Variants in PPP1R14C observed in about 807,000 individuals in gnomAD.
PPP1R14C encodes the protein protein phosphatase 1 regulatory subunit 14C.
A neutral mutation model predicts 20.4 loss-of-function variants in PPP1R14C; 16 were observed. The ratio of observed to expected loss-of-function variants is 0.78; its 90% confidence interval spans 0.53 to 1.19. PPP1R14C has a LOEUF of 1.19. PPP1R14C is among the 50% of genes most tolerant of loss of function. The pLI is 0.00. For synonymous variants in PPP1R14C, 91 were observed against 91.0 expected (o/e 1.00, Z 0.00); for missense variants, 211 against 220.1 (o/e 0.96, Z 0.26).
intron 3 of PPP1R14C, among the ~76,000 whole-genome samples, chr6:150,239,795 G>GTAATC (rs1265815729): frequency 1.3e-5 from 2 of 152,244 alleles, no homozygotes; most frequent in Admixed American, 6.5e-5. Context: ...TTACACGCCT[G>GTAATC]TAATCCCAGC....
chr6:150,154,981 C>A (rs1777290529), intron 1 of PPP1R14C, among the ~76,000 whole-genome samples: 1 of 152,070 alleles, frequency 6.6e-6, no homozygotes, highest in Non-Finnish European at 1.5e-5. Context: ...ATAATATTGG[C>A]TTTGGGGGGT....
At chr6:150,171,830 C>T (rs537893362) in intron 1 of PPP1R14C, among the ~76,000 whole-genome samples, 40 of 152,006 alleles carry the variant, frequency 2.6e-4, no homozygotes, top group African/African-American at 8.2e-4. Flanking sequence ...TTTTTTGAGA[C>T]GGAGTCTTGC....
At chr6:150,162,725 C>G (rs1777383588) in intron 1 of PPP1R14C, among the ~76,000 whole-genome samples, 1 of 152,152 alleles carries the variant, frequency 6.6e-6, no homozygotes, top group Admixed American at 6.5e-5. Flanking sequence ...CTTTTAGGTG[C>G]TAGGGACACA....
intron 1 of PPP1R14C, among the ~76,000 whole-genome samples, chr6:150,187,625 C>G (rs1562264451): frequency 6.6e-6 from 1 of 152,140 alleles, no homozygotes; most frequent in African/African-American, 2.4e-5. Flanking sequence ...AGGACATGAT[C>G]TCTTTCTTTT....
intron 1 of PPP1R14C, among the ~76,000 whole-genome samples, chr6:150,186,683 A>T (rs957853849): frequency 2.6e-5 from 4 of 152,218 alleles, no homozygotes; most frequent in African/African-American, 9.6e-5. Context: ...AGGTGGGGTC[A>T]GGGCCTGAGG....
chr6:150,244,427 A>G (rs960890046), intron 3 of PPP1R14C, among the ~76,000 whole-genome samples: 2 of 152,070 alleles, frequency 1.3e-5, no homozygotes, highest in South Asian at 2.1e-4. Context: ...CCTCTAGCAA[A>G]CCTCATTTGT....
rs977933922 is a variant in PPP1R14C at position 150,248,874 on chromosome 6, T to C, written c.*54T>C. 8.3e-6 allele frequency: 10 copies of C among 1,204,878 alleles called. No individual in the cohort carries two copies. The African/African-American group carries it at 1.4e-4, about 16-fold the overall frequency. 74.6% of individuals were successfully genotyped at this position (1,204,878 alleles called of 1,614,324 possible). ...GACGAAGAAAGAGTCCTGGGATTTG[T>C]ACTTCATGAAGACTTTTGTGAAAGA... On this transcript the variant is annotated 3_prime_UTR_variant, in exon 4 of 4. Coordinates refer to ENST00000361131, the MANE Select transcript of PPP1R14C (RefSeq NM_030949.3).
At chr6:150,153,663 A>G (rs192312954) in intron 1 of PPP1R14C, among the ~76,000 whole-genome samples, 1 of 146,850 alleles carries the variant, frequency 6.8e-6, no homozygotes, top group African/African-American at 2.4e-5. Context: ...ATACATTCTC[A>G]CTAGGTTTTT....
At chr6:150,192,529 G>A (rs1777757711) in intron 1 of PPP1R14C, among the ~76,000 whole-genome samples, 2 of 152,128 alleles carry the variant, frequency 1.3e-5, no homozygotes, top group Admixed American at 6.5e-5. Flanking sequence ...CTCCTACTGT[G>A]TGGCCTGGTC....
At chr6:150,210,645 A>G (rs1023663178) in intron 1 of PPP1R14C, among the ~76,000 whole-genome samples, 2 of 152,244 alleles carry the variant, frequency 1.3e-5, no homozygotes, top group African/African-American at 2.4e-5. Flanking sequence ...ATCCTACACA[A>G]TATTTTAAGA....
At chr6:150,196,142 CTG>C in intron 1 of PPP1R14C, 1 of 984,262 alleles carries the variant, frequency 1.0e-6, no homozygotes, top group Non-Finnish European at 1.2e-6. Context: ...TTGCAATACA[CTG>C]TTGTTAAGCC....
chr6:150,145,827 AAG>A (rs1777174312), intron 1 of PPP1R14C, among the ~76,000 whole-genome samples: 1 of 152,242 alleles, frequency 6.6e-6, no homozygotes, highest in African/African-American at 2.4e-5. Flanking sequence ...AAACCTGCCA[AAG>A]GCTTGAGTTA....
intron 1 of PPP1R14C, among the ~76,000 whole-genome samples, chr6:150,175,931 A>G (rs756999414): frequency 6.6e-6 from 1 of 152,214 alleles, no homozygotes; most frequent in African/African-American, 2.4e-5. Context: ...CAGGCCCTGA[A>G]TATCTTGTAC....
intron 3 of PPP1R14C, among the ~76,000 whole-genome samples, chr6:150,222,765 C>CTTTTTTTTTTTTTTTTTTT (rs4038164): frequency 4.2e-5 from 3 of 71,278 alleles, no homozygotes; most frequent in African/African-American, 5.9e-5. Flanking sequence ...TTCAAACTGG[C>CTTTTTTTTTTTTTTTTTTT]TTTTTTTTTT....
intron 1 of PPP1R14C, among the ~76,000 whole-genome samples, chr6:150,161,253 C>G (rs1212799549): frequency 6.7e-6 from 1 of 148,922 alleles, no homozygotes; most frequent in Non-Finnish European, 1.5e-5. Flanking sequence ...GCACTCCAGC[C>G]TGGGTGACAG....
chr6:150,195,253 C>T (rs1777788742), intron 1 of PPP1R14C: 2 of 711,352 alleles, frequency 2.8e-6, no homozygotes, highest in East Asian at 1.3e-4. Flanking sequence ...GTGTGGATAC[C>T]ATGTTATACA....
At position 150,143,406 on chromosome 6, in the gene PPP1R14C, G is replaced by C. The variant is rs777694831; in HGVS notation, c.214G>C (p.Val72Leu). 18 of 1,612,694 alleles carry C rather than the reference G, an allele frequency of 1.1e-5. No individual in the cohort carries two copies. The highest frequency in any genetic ancestry group is 8.5e-7 in the Non-Finnish European group (1 of 1,179,498). ...GCAGCGGCGACACCAGCAGGGAAAA[G>C]TGACAGTGAAATACGATCGTAAGGA... is the stretch of plus-strand genomic sequence containing the variant. Reference protein sequence around the residue: ...QQQRRHQQGKVTVKYDRKELR... With the variant: ...QQQRRHQQGKLTVKYDRKELR... Residue 72 changes from valine (V) to leucine (L), a missense_variant, in exon 1 of 4, where the codon GTG becomes CTG. Physicochemically the swap from Val to Leu is conservative, Grantham distance 32 (BLOSUM62 1). Coordinates refer to ENST00000361131, the MANE Select transcript of PPP1R14C (RefSeq NM_030949.3). The surrounding 1 kb of genome is among the most constrained non-coding windows in gnomAD (Gnocchi z 5.6).
At chr6:150,149,594 G>A (rs983505806) in intron 1 of PPP1R14C, among the ~76,000 whole-genome samples, 1 of 151,450 alleles carries the variant, frequency 6.6e-6, no homozygotes. Context: ...CACTGCGCCC[G>A]GCTACTTTCT....
At chr6:150,163,368 G>A (rs1777391843) in intron 1 of PPP1R14C, among the ~76,000 whole-genome samples, 1 of 152,182 alleles carries the variant, frequency 6.6e-6, no homozygotes, top group Admixed American at 6.5e-5. Flanking sequence ...TCCAGCCTGG[G>A]CGACAGAGCA....
Sources: gnomAD v4.1 joint callset for allele counts (sites outside exome capture counted in the v4.1 genomes callset) on GRCh38, gnomAD v4.1.1 for gene constraint, Gnocchi (gnomAD v3.1) non-coding constraint, MANE v1.5 for transcripts, NCBI Gene and HGNC (gene_info 2026-07-23, HGNC 2026-07-21) for gene names.